The following C6orf163 variants were observed in gnomAD, a reference collection of about 807,000 sequenced individuals.
C6orf163 encodes chromosome 6 open reading frame 163.
In C6orf163, 22 loss-of-function variants were observed where a neutral mutation model predicts 28.4. The observed-to-expected ratio is 0.78, with a 90% CI of 0.55 to 1.11. The LOEUF is 1.11. Among genes scored for constraint, C6orf163 ranks in the 50% least tolerant of loss-of-function variants. C6orf163 has a pLI of 0.00. For missense variants in C6orf163, 342 were observed against 389.1 expected (o/e 0.88, Z 1.02); for synonymous variants, 110 against 123.6 (o/e 0.89, Z 0.73).
chr6:87,358,085 C>T (rs532420466), intron 4 of C6orf163: 1 of 152,278 alleles, frequency 6.6e-6, no homozygotes, highest in Non-Finnish European at 1.5e-5. Flanking sequence ...GTACTAGATT[C>T]CTCTGTTCTT....
intron 4 of C6orf163, among the ~76,000 whole-genome samples, chr6:87,361,780 A>G (rs1777583847): frequency 6.6e-6 from 1 of 151,962 alleles, no homozygotes; most frequent in Non-Finnish European, 1.5e-5. Context: ...TCTTTTTCCC[A>G]CTTCTCCCAT....
chr6:87,348,373 T>G (rs1646959344), intron 1 of C6orf163: 1 of 987,550 alleles, frequency 1.0e-6, no homozygotes, highest in Non-Finnish European at 1.2e-6. Context: ...AAGAACCACA[T>G]GCTAAAGAAA....
At chr6:87,355,684 C>T (rs921721502) in intron 3 of C6orf163, among the ~76,000 whole-genome samples, 1 of 152,120 alleles carries the variant, frequency 6.6e-6, no homozygotes, top group African/African-American at 2.4e-5. Context: ...TGCACAGTTA[C>T]GTTGTTGGCC....
chr6:87,365,154 A>G lies in C6orf163; in HGVS notation c.748A>G (p.Met250Val), dbSNP rs1475853700. ...AACACATCAGGCCACTCTTGGCAAT[A>G]TGATGGATAAACTGGCTAACACCCA... ...EKTHQATLGN[M>V]MDKLANTQGE... The change falls in exon 5 of 5, where the codon ATG becomes GTG. Residue 250 changes from methionine to valine, a missense_variant. By Grantham distance (21) the Met-to-Val change is conservative. Coordinates refer to ENST00000388923, the MANE Select transcript of C6orf163 (RefSeq NM_001010868.3). 5.8e-6 allele frequency: 9 copies of G among 1,551,972 alleles called. No homozygotes were observed. The Admixed American group carries it at 5.9e-5, about 10-fold the overall frequency.
intron 1 of C6orf163, among the ~76,000 whole-genome samples, chr6:87,345,657 C>G (rs1022491695): frequency 7.9e-5 from 12 of 152,016 alleles, no homozygotes; most frequent in African/African-American, 2.9e-4. Flanking sequence ...CACAGTGGCT[C>G]ACACCTGTAA....
intron 4 of C6orf163, among the ~76,000 whole-genome samples, chr6:87,363,308 G>A (rs1222337153): frequency 1.4e-5 from 2 of 145,542 alleles, no homozygotes; most frequent in East Asian, 4.0e-4. Flanking sequence ...GGCAGTCCAT[G>A]ACATTAAAAC....
chr6:87,364,909 T>C (rs1370726679), intron 4 of C6orf163, 52 bp from the exon 5 acceptor site: 24 of 1,347,380 alleles, frequency 1.8e-5, no homozygotes, highest in Non-Finnish European at 2.4e-5. Context: ...GAAATTATTT[T>C]GTTTTTAGTG....
intron 3 of C6orf163, 52 bp from the exon 4 acceptor site, chr6:87,356,249 G>C (rs758518094): frequency 6.8e-7 from 1 of 1,461,966 alleles, no homozygotes; most frequent in Non-Finnish European, 9.4e-7. Context: ...CTAATGTGCA[G>C]TTTTAAACAT....
chr6:87,349,008 A>C, intron 2 of C6orf163, 102 bp downstream of exon 2: 1 of 1,398,976 alleles, frequency 7.1e-7, no homozygotes, highest in Non-Finnish European at 9.4e-7. Context: ...GAACTGACTG[A>C]ATCCTGGCTA....
intron 3 of C6orf163, among the ~76,000 whole-genome samples, chr6:87,352,349 T>C (rs1345421943): frequency 1.3e-5 from 2 of 152,158 alleles, no homozygotes; most frequent in Non-Finnish European, 2.9e-5. Context: ...ACCTACAGAC[T>C]CCATCAGCAT....
At position 87,365,028 on chromosome 6, in the gene C6orf163, C is replaced by T. The variant is rs76230292; in HGVS notation, c.622C>T (p.Arg208Ter). ...VIKDEKTSVA[R>*]LMREKEHEMS... ...TAAGGATGAGAAGACCAGTGTGGCC[C>T]GACTGATGAGGGAAAAAGAACATGA... The change falls in exon 5 of 5, where the codon CGA becomes TGA. Residue 208 changes from arginine (R) to a stop codon, truncating the protein, a stop_gained. Transcript: ENST00000388923. LOFTEE classifies it high-confidence loss of function. The T allele has an allele frequency of 2.3e-5, 36 of 1,551,470 alleles. No homozygotes were observed. Among genetic ancestry groups the T allele is most frequent in the Admixed American group, 7.8e-5 (4 of 50,978 alleles).
At chr6:87,362,741 G>A (rs1777598777) in intron 4 of C6orf163, among the ~76,000 whole-genome samples, 1 of 152,142 alleles carries the variant, frequency 6.6e-6, no homozygotes, top group Non-Finnish European at 1.5e-5. Flanking sequence ...AAGACTCAGA[G>A]AAGATGAGAG....
chr6:87,365,267 G>A lies in C6orf163; in HGVS notation c.861G>A (p.Met287Ile). 6.4e-7 allele frequency: 1 copy of A among 1,551,622 alleles called. No individual in the cohort carries two copies. Among genetic ancestry groups the A allele is most frequent in the East Asian group, 2.4e-5 (1 of 40,924 alleles). Residue 287 changes from methionine (M) to isoleucine (I), a missense_variant, in exon 5 of 5, where the codon ATG becomes ATA. Physicochemically the swap from Met to Ile is conservative, Grantham distance 10. Coordinates refer to ENST00000388923, the MANE Select transcript of C6orf163 (RefSeq NM_001010868.3). ...AGGAGGAATTACAGGAAACCAGGAT[G>A]GCATTTCAAAAATACATCAATTATA... ...FLEEELQETR[M>I]AFQKYINYTF...
At chr6:87,361,694 A>G (rs1173920538) in intron 4 of C6orf163, among the ~76,000 whole-genome samples, 1 of 152,192 alleles carries the variant, frequency 6.6e-6, no homozygotes, top group Non-Finnish European at 1.5e-5. Flanking sequence ...CACTCTATAC[A>G]CAGCATCACT....
At chr6:87,350,099 G>A (rs1327944057) in intron 2 of C6orf163, among the ~76,000 whole-genome samples, 1 of 152,154 alleles carries the variant, frequency 6.6e-6, no homozygotes, top group East Asian at 1.9e-4. Context: ...GAAATAAAGT[G>A]CCAAAGAGAA....
intron 4 of C6orf163, among the ~76,000 whole-genome samples, chr6:87,363,988 C>CAA (rs34961573): frequency 7.4e-5 from 11 of 149,484 alleles, no homozygotes; most frequent in Admixed American, 5.3e-4. Flanking sequence ...AAGAGTTGTG[C>CAA]AAAAAAAAAA....
chr6:87,350,655 C>G (rs1209147517), intron 3 of C6orf163, among the ~76,000 whole-genome samples, 154 bp downstream of exon 3: 2 of 152,190 alleles, frequency 1.3e-5, no homozygotes, highest in Non-Finnish European at 2.9e-5. Context: ...AGAAGAGATG[C>G]TGAGCTCTCT....
chr6:87,359,490 G>A (rs1777551536), intron 4 of C6orf163, among the ~76,000 whole-genome samples: 2 of 152,174 alleles, frequency 1.3e-5, no homozygotes, highest in Admixed American at 6.5e-5. Flanking sequence ...CATGTCCCAG[G>A]TGGAAAATCA....
At chr6:87,348,588 A>G (rs1048174179) in intron 1 of C6orf163, 1 of 1,309,590 alleles carries the variant, frequency 7.6e-7, no homozygotes, top group African/African-American at 1.5e-5. Flanking sequence ...ACTGGGTGTG[A>G]TGAGGGGAAT....
Sources: allele counts gnomAD v4.1 joint callset (sites outside exome capture counted in the v4.1 genomes callset), GRCh38; gene constraint gnomAD v4.1.1; transcripts MANE v1.5; gene names NCBI Gene and HGNC (gene_info 2026-07-23, HGNC 2026-07-21).